Variants in FYCO1 observed in about 807,000 individuals in gnomAD.
FYCO1 encodes the protein FYVE and coiled-coil domain autophagy adaptor 1, also known as FYVE and coiled-coil domain-containing protein 1.
FYCO1 carries 122 observed loss-of-function variants against 165.1 expected under a neutral mutation model. That is an observed-to-expected ratio of 0.74 (90% CI 0.64 to 0.86). FYCO1 has a LOEUF of 0.86. Among genes scored for constraint, FYCO1 ranks in the 40% least tolerant of loss-of-function variants. FYCO1 has a pLI of 0.00. For missense variants in FYCO1, 1,702 were observed against 1,810.3 expected (o/e 0.94, Z 1.09); for synonymous variants, 648 against 742.5 (o/e 0.87, Z 2.07).
rs372806650 is a variant in FYCO1, at chr3:45,964,466, C to T, written c.3151-12G>A. The T allele has an allele frequency of 1.6e-4, 256 of 1,613,712 alleles. No homozygotes were observed. The highest frequency in any genetic ancestry group is 5.0e-4 in the Middle Eastern group (3 of 6,022). On this transcript the variant is annotated splice_polypyrimidine_tract_variant and intron_variant, in intron 9 of 17. Transcript: ENST00000296137. The surrounding 1 kb of genome is among the most constrained non-coding windows in gnomAD (Gnocchi z 4.1). ...TCTGCTTGGGTGGCCTGGCACAGGA[C>T]GTCAGGGAGAAGACACTCAGCTTGC...
rs768581220 is a variant in FYCO1, at chr3:45,979,673, AC to A, written c.288+31del. 4 of 1,612,928 alleles carry A rather than the reference AC, an allele frequency of 2.5e-6. No individual in the cohort carries two copies. The African/African-American group carries it at 4.0e-5, about 16-fold the overall frequency. ...GCTGCTTTAAGCAGGCAAAAGGACG[AC>A]ATGAAGTTGTTGGCTGCTTGCTCAG... On this transcript the variant is annotated intron_variant, in intron 4 of 17. Transcript: ENST00000296137.
chr3:45,921,781 C>G lies in FYCO1; in HGVS notation c.4421G>C (p.Gly1474Ala). 1 of 1,610,532 alleles carries G rather than the reference C, an allele frequency of 6.2e-7. No homozygotes were observed. The change falls in exon 18 of 18, where the codon GGA becomes GCA. Residue 1474 changes from glycine (G) to alanine (A), a missense_variant. Gly to Ala is a moderately conservative substitution (Grantham distance 60). Transcript: ENST00000296137. ...LTVDRPVIYD[G>A]SDFL Reference sequence around the variant, plus strand: ...GTGCTGAAGCTACAGGAAATCACTTCCATCGTAGATCACAGGCCGATCAAC... The same window carrying G: ...GTGCTGAAGCTACAGGAAATCACTTGCATCGTAGATCACAGGCCGATCAAC...
In FYCO1 at chr3:45,921,342, G is replaced by C. The variant is rs892653115; in HGVS notation, c.*423C>G. ...TCACAGGGCATGGCCAGTGCACCCA[G>C]CTCAGTCTCCAACATGCAGGGCCCT... On this transcript the variant is annotated 3_prime_UTR_variant, in exon 18 of 18. Transcript: ENST00000296137. 2.6e-5 allele frequency: 8 copies of C among 306,222 alleles called. No individual in the cohort carries two copies. Among genetic ancestry groups the C allele is most frequent in the African/African-American group, 4.3e-5 (2 of 46,240 alleles). The allele number at this position is 306,222 out of a possible 1,614,324, so 19.0% of individuals were successfully genotyped here.
In FYCO1 at chr3:45,921,036, T is replaced by C. The variant is rs1463809446; in HGVS notation, c.*729A>G. ...CTTGGATTATCTTTACTTCTGATTC[T>C]TAGGGCAATGCTTTGAGCTGTGGAG... On this transcript the variant is annotated 3_prime_UTR_variant, in exon 18 of 18. Coordinates refer to ENST00000296137, the MANE Select transcript of FYCO1 (RefSeq NM_024513.4). 1 of 156,584 alleles carries C rather than the reference T, an allele frequency of 6.4e-6. No homozygotes were observed. The highest frequency in any genetic ancestry group is 1.4e-5 in the Non-Finnish European group (1 of 70,478). 9.7% of individuals were successfully genotyped at this position (156,584 alleles called of 1,614,324 possible). A position where few individuals can be genotyped will look rare whatever the true frequency, so the allele number is the denominator to read the frequency against.
intron 14 of FYCO1, among the ~76,000 whole-genome samples, chr3:45,937,107 T>C (rs930240837): frequency 6.6e-6 from 1 of 152,170 alleles, no homozygotes; most frequent in African/African-American, 2.4e-5. Context: ...CAGAACTAGA[T>C]ACCCTGACTG....
At chr3:45,992,866 C>T (rs1307025225) in intron 1 of FYCO1, among the ~76,000 whole-genome samples, 1 of 152,318 alleles carries the variant, frequency 6.6e-6, no homozygotes, top group East Asian at 1.9e-4. Context: ...ATTCAGCTAT[C>T]CAGCCCTATC....
chr3:45,972,373 C>T (rs553521493), intron 6 of FYCO1, among the ~76,000 whole-genome samples: 19 of 152,330 alleles, frequency 1.2e-4, no homozygotes, highest in African/African-American at 4.3e-4. Flanking sequence ...ATAGTCACCA[C>T]TTTTCTCTAT....
At chr3:45,923,808 G>A in intron 16 of FYCO1, 43 bp from the exon 17 acceptor site, 1 of 1,308,872 alleles carries the variant, frequency 7.6e-7, no homozygotes, top group Non-Finnish European at 1.1e-6. Context: ...CAGAGGCTGA[G>A]AGGGCCCTCG....
chr3:45,940,390 G>T (rs567866542), intron 14 of FYCO1, among the ~76,000 whole-genome samples: 1 of 152,324 alleles, frequency 6.6e-6, no homozygotes, highest in East Asian at 1.9e-4. Context: ...CGCACACTAA[G>T]AGGCAAAATG....
At chr3:45,932,414 A>G (rs1304139246) in intron 15 of FYCO1, among the ~76,000 whole-genome samples, 1 of 152,268 alleles carries the variant, frequency 6.6e-6, no homozygotes, top group Non-Finnish European at 1.5e-5. Context: ...TCCTTGAGGA[A>G]GGCATGACTG....
chr3:45,923,780 A>C lies in FYCO1; in HGVS notation c.4252-15T>G. The stretch of plus-strand genomic sequence containing the variant: ...GGAATGAGGACCTGGGAGGGAAAGC[A>C]GGTAGGCAAAAACATCACAGAGGCT... On this transcript the variant is annotated splice_polypyrimidine_tract_variant and intron_variant, in intron 16 of 17. Transcript: ENST00000296137. 3.2e-6 allele frequency: 5 copies of C among 1,573,510 alleles called. No homozygotes were observed. Among genetic ancestry groups the C allele is most frequent in the South Asian group, 1.1e-5 (1 of 90,228 alleles).
In FYCO1 at chr3:45,923,740, T is replaced by C. The variant is rs577570766; in HGVS notation, c.4277A>G (p.Asn1426Ser). The C allele has an allele frequency of 5.6e-6, 9 of 1,613,534 alleles. No homozygotes were observed. Among genetic ancestry groups the C allele is most frequent in the African/African-American group, 1.3e-5 (1 of 74,730 alleles). The change falls in exon 17 of 18, where the codon AAC becomes AGC. Residue 1426 changes from asparagine to serine, a missense_variant. By Grantham distance (46) the Asn-to-Ser change is conservative (BLOSUM62 1). Coordinates refer to ENST00000296137, the MANE Select transcript of FYCO1 (RefSeq NM_024513.4). The stretch of plus-strand genomic sequence containing the variant: ...GCCCTGGATGTTCTCCTTGTGGGAG[T>C]TGCATCGGGTCGTGGGAATGAGGAC... ...CKVLIPTTRCNSHKENIQGQL... is the reference protein window; with the variant it reads ...CKVLIPTTRCSSHKENIQGQL...
intron 8 of FYCO1, 107 bp from the exon 9 acceptor site, chr3:45,965,232 C>A (rs1705940402): frequency 7.4e-6 from 6 of 813,772 alleles, no homozygotes; most frequent in Non-Finnish European, 1.2e-5. Flanking sequence ...TTCTCTTTTT[C>A]CCTGCAAACT....
intron 17 of FYCO1, 43 bp downstream of exon 17, chr3:45,923,611 AAG>A (rs770951340): frequency 1.2e-5 from 14 of 1,189,706 alleles, no homozygotes; most frequent in Non-Finnish European, 1.4e-5. Context: ...GAAGAGGTGA[AAG>A]AGAGGCCTGG....
chr3:45,979,911 T>G, intron 3 of FYCO1, 81 bp from the exon 4 acceptor site: 4 of 1,530,162 alleles, frequency 2.6e-6, no homozygotes, highest in Non-Finnish European at 3.6e-6. Context: ...ATAATAACAA[T>G]AGCTTCTTAG....
At chr3:45,958,785 C>T (rs1408883444) in intron 12 of FYCO1, 166 bp from the exon 13 acceptor site, 3 of 717,422 alleles carry the variant, frequency 4.2e-6, no homozygotes, top group Non-Finnish European at 7.5e-6. Context: ...TCCAACAAAG[C>T]CTTCTTGTCA....
At chr3:45,972,744 G>A (rs1706512564) in intron 6 of FYCO1, among the ~76,000 whole-genome samples, 1 of 152,174 alleles carries the variant, frequency 6.6e-6, no homozygotes, top group Admixed American at 6.5e-5. Context: ...CTGCTTAGGA[G>A]CCTTCTGTAA....
intron 14 of FYCO1, chr3:45,946,211 G>A (rs1331536562): frequency 2.3e-6 from 1 of 431,230 alleles, no homozygotes; most frequent in Admixed American, 3.7e-5. Flanking sequence ...TTAGGGGTCA[G>A]TTATGAGTTG....
At chr3:45,973,348 C>G (rs936751153) in intron 5 of FYCO1, 117 bp from the exon 6 acceptor site, 2 of 989,962 alleles carry the variant, frequency 2.0e-6, no homozygotes, top group Non-Finnish European at 3.1e-6. Flanking sequence ...TTAAAAGACA[C>G]AGGCACACAA....
Sources: allele counts gnomAD v4.1 joint callset (sites outside exome capture counted in the v4.1 genomes callset), GRCh38; gene constraint gnomAD v4.1.1; non-coding constraint Gnocchi (gnomAD v3.1); transcripts MANE v1.5; gene names NCBI Gene and HGNC (gene_info 2026-07-23, HGNC 2026-07-21).